LYPD6: variants seen among roughly 807,000 people sequenced by gnomAD.
LYPD6 encodes the protein LY6/PLAUR domain containing 6.
In LYPD6, 15 loss-of-function variants were observed where a neutral mutation model predicts 22.7. That is an observed-to-expected ratio of 0.66 (90% CI 0.44 to 1.02). LYPD6 has a LOEUF of 1.02. Among genes scored for constraint, LYPD6 ranks in the 50% least tolerant of loss-of-function variants. LYPD6 has a pLI of 0.00. For missense variants in LYPD6, 189 were observed against 208.4 expected, an observed-to-expected ratio of 0.91 and a Z score of 0.57; for synonymous variants, 72 against 77.5, an observed-to-expected ratio of 0.93 and a Z score of 0.37.
chr2:149,384,028 G>A (rs541762140), intron 1 of LYPD6, among the ~76,000 whole-genome samples: 1 of 152,264 alleles, frequency 6.6e-6, no homozygotes, highest in African/African-American at 2.4e-5. Context: ...TACACTGTGA[G>A]CTGCTCAAGG....
intron 1 of LYPD6, among the ~76,000 whole-genome samples, chr2:149,354,254 C>A (rs936017613): frequency 6.6e-6 from 1 of 152,150 alleles, no homozygotes. Context: ...GTGACCCAGG[C>A]TGGAGTGCAG....
chr2:149,330,242 G>C (rs975167950), upstream of LYPD6: 6 of 152,044 alleles, frequency 3.9e-5, no homozygotes, highest in Admixed American at 1.3e-4. Flanking sequence ...CGCTTCCAAC[G>C]CTCACTGGGA....
chr2:149,352,215 C>A (rs1466815056), intron 1 of LYPD6, among the ~76,000 whole-genome samples: 1 of 152,122 alleles, frequency 6.6e-6, no homozygotes. Context: ...CAGACAGTAA[C>A]TGCCATATCC....
At chr2:149,437,442 A>G (rs139140200) in intron 1 of LYPD6, among the ~76,000 whole-genome samples, 196 bp from the exon 2 acceptor site, 1,732 of 152,240 alleles carry the variant, frequency 0.011, 28 homozygotes, top group African/African-American at 0.038. Context: ...GAGCCTTAGC[A>G]ACCTGATTAA....
At chr2:149,446,614 G>A (rs868805685) in intron 2 of LYPD6, among the ~76,000 whole-genome samples, 25 of 152,100 alleles carry the variant, frequency 1.6e-4, no homozygotes, top group Admixed American at 2.6e-4. Flanking sequence ...TGGTTGGATG[G>A]CTGTGTCTAA....
chr2:149,381,339 G>A (rs137894047), intron 1 of LYPD6, among the ~76,000 whole-genome samples: 1 of 152,220 alleles, frequency 6.6e-6, no homozygotes, highest in East Asian at 1.9e-4. Context: ...AGATACGGAG[G>A]GGAGAATTGC....
intron 1 of LYPD6, among the ~76,000 whole-genome samples, chr2:149,402,475 A>C (rs2105110513): frequency 6.6e-6 from 1 of 152,304 alleles, no homozygotes; most frequent in South Asian, 2.1e-4. Flanking sequence ...TGTTTTCCAT[A>C]GTGGCTGCAC....
At chr2:149,383,175 A>G (rs1408896889) in intron 1 of LYPD6, among the ~76,000 whole-genome samples, 3 of 152,164 alleles carry the variant, frequency 2.0e-5, no homozygotes, top group African/African-American at 7.2e-5. Context: ...CCTAAACTTA[A>G]TAAGTGCTTT....
chr2:149,404,709 T>A (rs1682654440), intron 1 of LYPD6, among the ~76,000 whole-genome samples: 2 of 152,118 alleles, frequency 1.3e-5, no homozygotes, highest in South Asian at 2.1e-4. Context: ...TCTTTTCGTA[T>A]TTGAATACCC....
At position 149,345,629 on chromosome 2, in the gene LYPD6, T is replaced by G. The variant is rs570130110; in HGVS notation, c.-72+14907T>G. Among the ~76,000 whole-genome samples the G allele has an allele frequency of 2.8e-3, 426 of 152,176 alleles. 3 individuals carry two copies. Among genetic ancestry groups the G allele is most frequent in the Non-Finnish European group, 4.7e-3 (319 of 68,012 alleles). On this transcript the variant is annotated intron_variant, in intron 1 of 4. Coordinates refer to ENST00000334166, the MANE Select transcript of LYPD6 (RefSeq NM_194317.5). ...CGCACCCGGCCTTAATTTAAATTTT[T>G]AAGAATATTTGTCAAATTTTCTGGT...
At chr2:149,339,300 G>A (rs1265372425) in intron 1 of LYPD6, among the ~76,000 whole-genome samples, 2 of 152,162 alleles carry the variant, frequency 1.3e-5, no homozygotes, top group East Asian at 1.9e-4. Flanking sequence ...CAGGTGTGAA[G>A]AGATGAGATC....
intron 1 of LYPD6, among the ~76,000 whole-genome samples, chr2:149,414,869 G>A (rs1025776046): frequency 2.9e-4 from 44 of 152,324 alleles, no homozygotes; most frequent in African/African-American, 1.0e-3. Context: ...ATTTAGAATG[G>A]TGGACACCAG....
At chr2:149,393,405 C>T (rs1682357861) in intron 1 of LYPD6, among the ~76,000 whole-genome samples, 1 of 152,180 alleles carries the variant, frequency 6.6e-6, no homozygotes, top group African/African-American at 2.4e-5. Context: ...TTAAAAGCTC[C>T]TCTCTGTGTG....
intron 1 of LYPD6, among the ~76,000 whole-genome samples, chr2:149,417,974 A>AT (rs2105129368): frequency 6.6e-6 from 1 of 152,340 alleles, no homozygotes; most frequent in South Asian, 2.1e-4. Flanking sequence ...TGCCATGAGC[A>AT]TTGAGTTACT....
At chr2:149,414,007 G>T (rs931425236) in intron 1 of LYPD6, among the ~76,000 whole-genome samples, 1 of 152,158 alleles carries the variant, frequency 6.6e-6, no homozygotes. Context: ...ATGTGTAGGT[G>T]GTTCTTTAGC....
At chr2:149,425,046 T>C (rs1239033068) in intron 1 of LYPD6, among the ~76,000 whole-genome samples, 1 of 152,196 alleles carries the variant, frequency 6.6e-6, no homozygotes, top group African/African-American at 2.4e-5. Context: ...TCCCTGTCTC[T>C]CTCCATTTTT....
intron 1 of LYPD6, among the ~76,000 whole-genome samples, chr2:149,332,674 G>C (rs1330242734): frequency 6.6e-6 from 1 of 151,660 alleles, no homozygotes; most frequent in African/African-American, 2.4e-5. Flanking sequence ...TTCCTTTTTG[G>C]TGTTTACCTA....
chr2:149,348,600 G>T (rs1351453662), intron 1 of LYPD6, among the ~76,000 whole-genome samples: 2 of 152,368 alleles, frequency 1.3e-5, no homozygotes, highest in South Asian at 2.1e-4. Context: ...GCCAGGGGGA[G>T]TGTAGTAAAA....
downstream of LYPD6, among the ~76,000 whole-genome samples, chr2:149,474,795 TCTCA>T (rs1358053118): frequency 6.6e-6 from 1 of 152,034 alleles, no homozygotes; most frequent in Non-Finnish European, 1.5e-5. Context: ...TGAGACAGAG[TCTCA>T]CTCTTGTCGC....
Sources: allele counts gnomAD v4.1 joint callset (sites outside exome capture counted in the v4.1 genomes callset), GRCh38; gene constraint gnomAD v4.1.1; transcripts MANE v1.5; gene names NCBI Gene and HGNC (gene_info 2026-07-23, HGNC 2026-07-21).